FHIT: variants seen among roughly 807,000 people sequenced by gnomAD.
FHIT encodes the protein fragile histidine triad diadenosine triphosphatase.
FHIT carries 19 observed loss-of-function variants against 17.9 expected under a neutral mutation model. The ratio of observed to expected loss-of-function variants is 1.06; its 90% CI spans 0.74 to 1.56. The LOEUF is 1.56. Among genes scored for constraint, FHIT ranks in the 40% most tolerant of loss-of-function variants. The pLI is 0.00. For synonymous variants in FHIT, 81 were observed against 69.7 expected (o/e 1.16, Z -0.81); for missense variants, 248 against 189.2 (o/e 1.31, Z -1.82).
intron 2 of FHIT, among the ~76,000 whole-genome samples, chr3:61,110,616 A>C (rs2036130180): frequency 6.6e-6 from 1 of 152,050 alleles, no homozygotes; most frequent in Admixed American, 6.6e-5. Flanking sequence ...TGTTCTACTC[A>C]TTCTTCTGCC....
At chr3:59,958,326 GA>G in intron 7 of FHIT, among the ~76,000 whole-genome samples, 1 of 152,092 alleles carries the variant, frequency 6.6e-6, no homozygotes, top group South Asian at 2.1e-4. Context: ...ATAGATCTTG[GA>G]ATTAATACAC....
At chr3:60,081,483 A>C (rs1186029716) in intron 5 of FHIT, among the ~76,000 whole-genome samples, 1 of 152,064 alleles carries the variant, frequency 6.6e-6, no homozygotes, top group African/African-American at 2.4e-5. Context: ...AACTCAACTC[A>C]ATCTACTGCT....
At chr3:60,854,040 C>T (rs1553749179) in intron 3 of FHIT, among the ~76,000 whole-genome samples, 2 of 152,042 alleles carry the variant, frequency 1.3e-5, no homozygotes, top group African/African-American at 4.8e-5. Flanking sequence ...AAACATAATA[C>T]CCAGGTTGAA....
At chr3:60,195,158 C>G (rs753948671) in intron 5 of FHIT, among the ~76,000 whole-genome samples, 1 of 151,848 alleles carries the variant, frequency 6.6e-6, no homozygotes, top group Non-Finnish European at 1.5e-5. Context: ...AAGAATGAGA[C>G]TTTGTCTCAA....
chr3:60,260,263 A>T (rs1706223703), intron 5 of FHIT, among the ~76,000 whole-genome samples: 1 of 152,014 alleles, frequency 6.6e-6, no homozygotes, highest in Non-Finnish European at 1.5e-5. Flanking sequence ...TGATGACTGC[A>T]GCAAAATAGT....
At chr3:59,884,705 A>G (rs17364716) in intron 8 of FHIT, among the ~76,000 whole-genome samples, 4 of 152,146 alleles carry the variant, frequency 2.6e-5, no homozygotes, top group Admixed American at 2.6e-4. Flanking sequence ...ACGCTATGGG[A>G]CAGTAGGAAA....
chr3:59,879,945 C>T (rs970229622), intron 8 of FHIT, among the ~76,000 whole-genome samples: 4 of 109,534 alleles, frequency 3.7e-5, no homozygotes, highest in South Asian at 3.9e-4. Flanking sequence ...CCCTTAGCAA[C>T]GTGGCCAAGT....
intron 7 of FHIT, among the ~76,000 whole-genome samples, chr3:59,987,882 C>T (rs1274279719): frequency 6.6e-6 from 1 of 151,960 alleles, no homozygotes; most frequent in Admixed American, 6.6e-5. Flanking sequence ...TTTCTATTTC[C>T]TATATCAAGA....
chr3:59,832,523 A>T (rs1202704914), intron 8 of FHIT, among the ~76,000 whole-genome samples: 1 of 152,144 alleles, frequency 6.6e-6, no homozygotes. Context: ...AGAATCTTTA[A>T]ATGAGGTTGC....
chr3:60,087,430 T>C (rs1235563379), intron 5 of FHIT, among the ~76,000 whole-genome samples: 2 of 152,188 alleles, frequency 1.3e-5, no homozygotes, highest in Non-Finnish European at 2.9e-5. Context: ...AAATGTTTCC[T>C]TTCCCACCAA....
At chr3:60,948,080 G>T (rs1038744604) in intron 3 of FHIT, among the ~76,000 whole-genome samples, 2 of 152,246 alleles carry the variant, frequency 1.3e-5, no homozygotes, top group Non-Finnish European at 2.9e-5. Context: ...TTCCCTAGTG[G>T]ATTCTCCAGT....
At chr3:60,451,977 C>G (rs1052292950) in intron 5 of FHIT, among the ~76,000 whole-genome samples, 3 of 152,168 alleles carry the variant, frequency 2.0e-5, no homozygotes, top group African/African-American at 7.2e-5. Flanking sequence ...AGCCACAATT[C>G]AGTGGGCCTA....
intron 3 of FHIT, among the ~76,000 whole-genome samples, chr3:60,832,972 A>G (rs1183802001): frequency 6.6e-6 from 1 of 152,180 alleles, no homozygotes; most frequent in Admixed American, 6.5e-5. Flanking sequence ...TGGCTACCAT[A>G]TTAGACAACA....
At chr3:60,043,083 T>A (rs1575960902) in intron 5 of FHIT, among the ~76,000 whole-genome samples, 1 of 152,100 alleles carries the variant, frequency 6.6e-6, no homozygotes, top group Non-Finnish European at 1.5e-5. Flanking sequence ...CTGGCTAGAG[T>A]ACTAATCAAG....
At chr3:60,077,282 C>T (rs955425966) in intron 5 of FHIT, 3 of 151,786 alleles carry the variant, frequency 2.0e-5, no homozygotes, top group African/African-American at 7.3e-5. Context: ...TGTATAAGTA[C>T]ACATGCATAT....
At chr3:59,798,589 C>A (rs1699871574) in intron 8 of FHIT, among the ~76,000 whole-genome samples, 1 of 152,234 alleles carries the variant, frequency 6.6e-6, no homozygotes, top group Non-Finnish European at 1.5e-5. Flanking sequence ...GCACATTATA[C>A]ACTGACAGAA....
chr3:60,296,755 G>A (rs1708230660), intron 5 of FHIT, among the ~76,000 whole-genome samples: 1 of 151,844 alleles, frequency 6.6e-6, no homozygotes, highest in Non-Finnish European at 1.5e-5. Flanking sequence ...TTTTTCCTCT[G>A]CTAGTTTCTA....
rs1705747281 is a variant in FHIT at position 59,927,773 on chromosome 3, C to T, written c.280-5359G>A. Reference sequence around the variant, plus strand: ...GACAGAGCAAGACTCTGTCTCAAAACAACAACAACAACAACAAAAACCCAA... The same window carrying T: ...GACAGAGCAAGACTCTGTCTCAAAATAACAACAACAACAACAAAAACCCAA... On this transcript the variant is annotated intron_variant, in intron 7 of 9. Transcript: ENST00000492590. Among the ~76,000 whole-genome samples the T allele has an allele frequency of 4.5e-5, 6 of 131,990 alleles. No individual in the cohort carries two copies. In the Admixed American group the frequency reaches 5.3e-4, roughly 12 times the overall value. The allele number at this position is 131,990 out of a possible 152,430, so 86.6% of individuals were successfully genotyped here. A position where few individuals can be genotyped will look rare whatever the true frequency, so the allele number is the denominator to read the frequency against.
intron 5 of FHIT, among the ~76,000 whole-genome samples, chr3:60,092,707 G>A (rs1367095373): frequency 2.0e-5 from 3 of 152,150 alleles, no homozygotes; most frequent in African/African-American, 7.2e-5. Flanking sequence ...AGCAAGAGGG[G>A]CCAAGATATC....
Sources: gnomAD v4.1 joint callset for allele counts (sites outside exome capture counted in the v4.1 genomes callset) on GRCh38, gnomAD v4.1.1 for gene constraint, MANE v1.5 for transcripts, NCBI Gene and HGNC (gene_info 2026-07-23, HGNC 2026-07-21) for gene names.